CMYA5: variants seen among roughly 807,000 people sequenced by gnomAD.
CMYA5 encodes the protein cardiomyopathy-associated protein 5.
Under a neutral mutation model 318.9 loss-of-function variants are expected in CMYA5, and 246 were observed. The ratio of observed to expected loss-of-function variants is 0.77; its 90% CI spans 0.70 to 0.86. The LOEUF (loss-of-function observed/expected upper bound fraction) is 0.86, where lower values mean the gene tolerates loss of function less well. Ranked by LOEUF, CMYA5 falls within the 40% of genes least tolerant of loss-of-function variation. The pLI is 0.00. For synonymous variants in CMYA5, 1,641 were observed against 1,729.5 expected (o/e 0.95, Z 1.27); for missense variants, 4,589 against 4,678.2 (o/e 0.98, Z 0.56).
In CMYA5 at chr5:79,761,899, G is replaced by A. The variant is rs780682825; in HGVS notation, c.11349G>A (p.Val3783=). 4 of 1,613,784 alleles carry A rather than the reference G, an allele frequency of 2.5e-6. No homozygotes were observed. The East Asian group carries it at 8.9e-5, about 36-fold the overall frequency. The change falls in exon 8 of 13, where the codon GTG becomes GTA. Residue 3783 remains valine (V), a synonymous_variant. Coordinates refer to ENST00000446378, the MANE Select transcript of CMYA5 (RefSeq NM_153610.5). ...LEPDRCYQVW[V]MAVNFTGCSL... ...CTGACCGATGCTATCAAGTGTGGGTGATGGCTGTGAACTTCACTGGATGTA... is the reference window on the plus strand; with the variant it reads ...CTGACCGATGCTATCAAGTGTGGGTAATGGCTGTGAACTTCACTGGATGTA...
Position 79,728,920 on chromosome 5 carries a change from C to T in CMYA5, c.155C>T (p.Ser52Leu). The T allele has an allele frequency of 6.7e-7, 1 of 1,503,004 alleles. No homozygotes were observed. 93.1% of individuals were successfully genotyped at this position (1,503,004 alleles called of 1,614,324 possible). ...ESEEEPDSRL[S>L]DQDEEGKIKQ... is the part of the protein sequence containing the mutation. ...AATATTGTTATTTGCTATAGGTTAT[C>T]AGACCAGGATGAAGAGGGAAAGATC... is the stretch of plus-strand genomic sequence containing the variant. Residue 52 changes from serine (S) to leucine (L), a missense_variant, in exon 2 of 13, where the codon TCA becomes TTA. Ser to Leu is a moderately radical substitution (Grantham distance 145). Coordinates refer to ENST00000446378, the MANE Select transcript of CMYA5 (RefSeq NM_153610.5).
Position 79,793,450 on chromosome 5 carries a change from C to A in CMYA5, c.11803C>A (p.Leu3935Met), listed in dbSNP as rs773961671. 1.2e-6 allele frequency: 2 copies of A among 1,612,578 alleles called. No individual in the cohort carries two copies. The highest frequency in any genetic ancestry group is 2.2e-5 in the South Asian group (2 of 90,994). ...CTTCACCCACAGAATCCCGTCAGTG[C>A]TGGGTGAGGAGCTGCCTTCCTGTGG... ...RRRLTEIPSV[L>M]GEELPSCGQH... The change falls in exon 12 of 13, where the codon CTG (leucine) becomes ATG (methionine). Residue 3935 changes from leucine to methionine, a missense_variant. Around this residue, in one of 3 missense-constraint regions of CMYA5, gnomAD observed 2,431 missense variants for 2,495.1 expected, o/e 0.97. Transcript: ENST00000446378.
At chr5:79,727,599 T>C (rs1287021733) in intron 1 of CMYA5, among the ~76,000 whole-genome samples, 1 of 152,232 alleles carries the variant, frequency 6.6e-6, no homozygotes, top group Non-Finnish European at 1.5e-5. Flanking sequence ...GGAGGAAATA[T>C]GTTTATGAAG....
At chr5:79,761,682 T>C (rs1828654157) in intron 7 of CMYA5, 129 bp from the exon 8 acceptor site, 1 of 929,528 alleles carries the variant, frequency 1.1e-6, no homozygotes, top group African/African-American at 1.7e-5. Context: ...GGTTTTCACA[T>C]AATGGTATCT....
Position 79,799,591 on chromosome 5 carries a change from CCCCGGATTCTGTAAGGCACAAGTGATCCT to C in CMYA5, c.12186_*4del. ...TGTACTTTGCACCTGGGGATAGAGCCCCCGGATTCTGTAAGGCACAAGTGATCCTTGGCTTTCAGAATTTGCAAGAACAG... is the reference window on the plus strand; with the variant it reads ...TGTACTTTGCACCTGGGGATAGAGCCTGGCTTTCAGAATTTGCAAGAACAG... On this transcript the variant is annotated stop_lost and 3_prime_UTR_variant, in exon 13 of 13. Coordinates refer to ENST00000446378, the MANE Select transcript of CMYA5 (RefSeq NM_153610.5). 3 of 1,613,130 alleles carry C rather than the reference CCCCGGATTCTGTAAGGCACAAGTGATCCT, an allele frequency of 1.9e-6. No homozygotes were observed. In the South Asian group the frequency reaches 3.3e-5, roughly 18 times the overall value.
At chr5:79,702,712 C>T (rs1171545062) in intron 1 of CMYA5, among the ~76,000 whole-genome samples, 1 of 152,104 alleles carries the variant, frequency 6.6e-6, no homozygotes, top group African/African-American at 2.4e-5. Context: ...TGTAAATATA[C>T]TGAAAGCCAT....
Position 79,729,121 on chromosome 5 carries a change from GA to G in CMYA5, c.359del (p.Asn120MetfsTer9), listed in dbSNP as rs1440571569. On this transcript the variant is annotated frameshift_variant, in exon 2 of 13. Coordinates refer to ENST00000446378, the MANE Select transcript of CMYA5 (RefSeq NM_153610.5). LOFTEE classifies it high-confidence loss of function. ...REGSTVNSPP[G>X]NVSFIVDEVK... The stretch of plus-strand genomic sequence containing the variant: ...GGGTCAACTGTGAATTCTCCTCCTG[GA>G]AATGTTTCCTTTATTGTGGATGAAG... The G allele has an allele frequency of 6.2e-7, 1 of 1,613,288 alleles. No homozygotes were observed. Among genetic ancestry groups the G allele is most frequent in the African/African-American group, 1.3e-5 (1 of 74,878 alleles).
intron 1 of CMYA5, 113 bp downstream of exon 1, chr5:79,690,169 TTCTCTCTGGGTGCACTG>T: frequency 7.5e-7 from 1 of 1,336,688 alleles, no homozygotes; most frequent in South Asian, 1.8e-5. Flanking sequence ...GCTAGGCACT[TTCTCTCTGGGTGCACTG>T]TCGTTTAAAA....
intron 9 of CMYA5, among the ~76,000 whole-genome samples, chr5:79,787,190 C>T (rs1033990122): frequency 3.9e-5 from 6 of 152,092 alleles, no homozygotes; most frequent in African/African-American, 1.4e-4. Flanking sequence ...AAAATTTCCC[C>T]ACCAATCCTT....
chr5:79,731,073 C>T lies in CMYA5; in HGVS notation c.2308C>T (p.Pro770Ser). The T allele has an allele frequency of 6.2e-7, 1 of 1,613,998 alleles. No homozygotes were observed. Among genetic ancestry groups the T allele is most frequent in the Non-Finnish European group, 8.5e-7 (1 of 1,179,886 alleles). Residue 770 changes from proline to serine, a missense_variant, in exon 2 of 13, where the codon CCT becomes TCT. By Grantham distance (74) the Pro-to-Ser change is moderately conservative (BLOSUM62 -1). Around this residue, in one of 3 missense-constraint regions of CMYA5, gnomAD observed 2,132 missense variants for 2,131.3 expected, o/e 1.00. Transcript: ENST00000446378. ...EKTSECQSPL[P>S]STATSEHVVP... ...GACTTCTGAATGCCAGTCACCACTGCCTTCTACTGCCACATCAGAACACGT... is the reference window on the plus strand; with the variant it reads ...GACTTCTGAATGCCAGTCACCACTGTCTTCTACTGCCACATCAGAACACGT...
At chr5:79,740,220 G>C (rs953239054) in intron 2 of CMYA5, among the ~76,000 whole-genome samples, 1 of 152,086 alleles carries the variant, frequency 6.6e-6, no homozygotes, top group Non-Finnish European at 1.5e-5. Context: ...CCTGAAACCA[G>C]TCCTCTGCAG....
Position 79,761,883 on chromosome 5 carries a change from G to A in CMYA5, c.11333G>A (p.Cys3778Tyr), listed in dbSNP as rs555115472. 6.2e-7 allele frequency: 1 copy of A among 1,613,754 alleles called. No individual in the cohort carries two copies. The highest frequency in any genetic ancestry group is 1.7e-5 in the Admixed American group (1 of 59,996). ...TTTGAAGATCTGGAACCTGACCGAT[G>A]CTATCAAGTGTGGGTGATGGCTGTG... ...CIFEDLEPDR[C>Y]YQVWVMAVNF... Residue 3778 changes from cysteine (C) to tyrosine (Y), a missense_variant, in exon 8 of 13, where the codon TGC becomes TAC. Cys to Tyr is a radical substitution (Grantham distance 194, BLOSUM62 -2). Around this residue, in one of 3 missense-constraint regions of CMYA5, gnomAD observed 2,431 missense variants for 2,495.1 expected, o/e 0.97. Transcript: ENST00000446378.
chr5:79,730,124 A>G lies in CMYA5; in HGVS notation c.1359A>G (p.Pro453=), dbSNP rs776429122. 1 of 1,613,734 alleles carries G rather than the reference A, an allele frequency of 6.2e-7. No homozygotes were observed. Among genetic ancestry groups the G allele is most frequent in the Non-Finnish European group, 8.5e-7 (1 of 1,179,900 alleles). ...CATCTACCCAGGATGGTTTGGACCCAGACCAAGAACAGCCGGACCTGACTT... is the reference window on the plus strand; with the variant it reads ...CATCTACCCAGGATGGTTTGGACCCGGACCAAGAACAGCCGGACCTGACTT... ...LAASTQDGLD[P]DQEQPDLTSI... Residue 453 remains proline, a synonymous_variant, in exon 2 of 13, where the codon CCA becomes CCG. Transcript: ENST00000446378.
At chr5:79,744,051 C>A in intron 3 of CMYA5, 129 bp downstream of exon 3, 1 of 522,086 alleles carries the variant, frequency 1.9e-6, no homozygotes, top group Non-Finnish European at 3.4e-6. Flanking sequence ...TGGTTCGGTT[C>A]CATTCAAAGC....
chr5:79,758,401 A>G (rs1828573016), intron 6 of CMYA5, among the ~76,000 whole-genome samples: 2 of 150,602 alleles, frequency 1.3e-5, no homozygotes, highest in East Asian at 4.0e-4. Context: ...GTGTGGTGGC[A>G]GGCGCCTATA....
chr5:79,797,062 T>C (rs1252687420), intron 12 of CMYA5, among the ~76,000 whole-genome samples: 1 of 152,254 alleles, frequency 6.6e-6, no homozygotes, highest in East Asian at 1.9e-4. Flanking sequence ...GTTAATTTGC[T>C]AACAACCTGT....
Position 79,766,168 on chromosome 5 carries a change from G to A in CMYA5, c.11555+2959G>A, listed in dbSNP as rs548264599. On this transcript the variant is annotated intron_variant, in intron 9 of 12. Transcript: ENST00000446378. Reference sequence around the variant, plus strand: ...AGCTGGAGTGCAGTGGTGTGATCTCGGCTCTCTGCAACCTCTGCCTCCCAG... The same window carrying A: ...AGCTGGAGTGCAGTGGTGTGATCTCAGCTCTCTGCAACCTCTGCCTCCCAG... 4.8e-4 allele frequency among the ~76,000 whole-genome samples: 73 copies of A among 151,660 alleles called. 1 individual carries two copies. Among genetic ancestry groups the A allele is most frequent in the African/African-American group, 1.2e-3 (51 of 41,282 alleles).
At chr5:79,788,016 AC>A (rs1829110271) in intron 9 of CMYA5, among the ~76,000 whole-genome samples, 1 of 152,126 alleles carries the variant, frequency 6.6e-6, no homozygotes, top group African/African-American at 2.4e-5. Context: ...ACAAAAAAAA[AC>A]AAAGACAAAC....
intron 1 of CMYA5, among the ~76,000 whole-genome samples, chr5:79,698,539 C>T (rs9784710): frequency 0.16 from 23,640 of 152,142 alleles, 1,902 homozygotes; most frequent in African/African-American, 0.2. Context: ...GAGCTTGTTC[C>T]TCATCCAGGT....
Sources: allele counts gnomAD v4.1 joint callset (sites outside exome capture counted in the v4.1 genomes callset), GRCh38; gene constraint gnomAD v4.1.1; regional missense constraint gnomAD v4.1.1; transcripts MANE v1.5; gene names NCBI Gene and HGNC (gene_info 2026-07-23, HGNC 2026-07-21).